The following SATB1 variants were observed in gnomAD, a reference collection of about 807,000 sequenced individuals.
SATB1 encodes the protein DNA-binding protein SATB1.
Under a neutral mutation model 86.9 loss-of-function variants are expected in SATB1, and 11 were observed. That is an observed-to-expected ratio of 0.13 (90% CI 0.08 to 0.21). SATB1 has a LOEUF of 0.21. SATB1 is among the 10% of genes least tolerant of loss of function. The pLI, the probability that SATB1 is intolerant of heterozygous loss-of-function variation, is 1.00. For synonymous variants in SATB1, 357 were observed against 357.2 expected (o/e 1.00, Z 0.01); for missense variants, 551 against 937.6 (o/e 0.59, Z 5.39).
intron 9 of SATB1, among the ~76,000 whole-genome samples, chr3:18,371,138 T>A (rs970993370): frequency 2.0e-5 from 3 of 152,090 alleles, no homozygotes; most frequent in Non-Finnish European, 4.4e-5. Context: ...ACCCAATTCC[T>A]GAAGCATCTT....
At chr3:18,382,732 A>C (rs1279545100) in intron 8 of SATB1, among the ~76,000 whole-genome samples, 1 of 152,214 alleles carries the variant, frequency 6.6e-6, no homozygotes, top group Non-Finnish European at 1.5e-5. Context: ...AAGTTATTTC[A>C]TTAGGACAAT....
chr3:18,410,961 G>A (rs1246237826), intron 5 of SATB1: 1 of 394,784 alleles, frequency 2.5e-6, no homozygotes, highest in Non-Finnish European at 4.5e-6. Context: ...GAGCAGTACT[G>A]AAGCTAAGCT....
rs1694167144 is a variant in SATB1 at position 18,348,373 on chromosome 3, T to C, written c.*797A>G. The C allele has an allele frequency of 6.6e-6, 1 of 152,610 alleles. No individual in the cohort carries two copies. The highest frequency in any genetic ancestry group is 2.4e-5 in the African/African-American group (1 of 41,472). 9.5% of individuals were successfully genotyped at this position (152,610 alleles called of 1,614,324 possible). On this transcript the variant is annotated 3_prime_UTR_variant, in exon 11 of 11. Transcript: ENST00000338745. The stretch of plus-strand genomic sequence containing the variant: ...TATTTAAAACTTTTAAGACACTTTG[T>C]TTTACTGCCCATCAAAATACATTTA...
exon 1 of SATB1, chr3:18,445,563 C>G: frequency 1.0e-6 from 1 of 980,392 alleles, no homozygotes; most frequent in Non-Finnish European, 1.2e-6. Flanking sequence ...TTGTCGCCTG[C>G]GGCTTCCTCT....
At chr3:18,357,249 GA>G (rs1575083305) in intron 9 of SATB1, among the ~76,000 whole-genome samples, 1 of 151,664 alleles carries the variant, frequency 6.6e-6, no homozygotes, top group East Asian at 1.9e-4. Flanking sequence ...ATCTAAATAG[GA>G]AAGTATTTGA....
At chr3:18,391,397 C>CT (rs1175236024) in intron 7 of SATB1, among the ~76,000 whole-genome samples, 2 of 150,768 alleles carry the variant, frequency 1.3e-5, no homozygotes, top group Non-Finnish European at 1.5e-5. Context: ...TTTTATTATA[C>CT]TTTAAGTTTT....
At chr3:18,408,495 G>C (rs1400079782) in intron 5 of SATB1, among the ~76,000 whole-genome samples, 1 of 151,928 alleles carries the variant, frequency 6.6e-6, no homozygotes, top group African/African-American at 2.4e-5. Context: ...AGATTTAAAA[G>C]TCCCAACAGC....
chr3:18,445,202 C>CCG, intron 1 of SATB1: 1 of 981,390 alleles, frequency 1.0e-6, no homozygotes, highest in Non-Finnish European at 1.2e-6. Flanking sequence ...TCCCCAGCGC[C>CCG]CGCCCGGCTT....
intron 3 of SATB1, among the ~76,000 whole-genome samples, chr3:18,416,524 AC>A (rs1378601907): frequency 6.6e-6 from 1 of 152,050 alleles, no homozygotes; most frequent in Non-Finnish European, 1.5e-5. Flanking sequence ...AGCCCATAAA[AC>A]CATCAGAAAC....
chr3:18,440,488 C>T (rs1004995547), upstream of SATB1, among the ~76,000 whole-genome samples: 1 of 152,048 alleles, frequency 6.6e-6, no homozygotes, highest in African/African-American at 2.4e-5. Context: ...AATATAAATA[C>T]GTGCACTAAA....
At chr3:18,357,288 T>C (rs923837622) in intron 9 of SATB1, among the ~76,000 whole-genome samples, 1 of 151,772 alleles carries the variant, frequency 6.6e-6, no homozygotes, top group Non-Finnish European at 1.5e-5. Context: ...AAAGCATGAA[T>C]TACATTTCAG....
chr3:18,406,557 A>G (rs978321310), intron 5 of SATB1, among the ~76,000 whole-genome samples: 1 of 152,054 alleles, frequency 6.6e-6, no homozygotes, highest in Admixed American at 6.6e-5. Context: ...GAAATGCTGC[A>G]TATGTTTTTA....
intron 2 of SATB1, 81 bp downstream of exon 2, chr3:18,420,676 G>T: frequency 9.1e-7 from 1 of 1,100,092 alleles, no homozygotes; most frequent in Non-Finnish European, 1.4e-6. Context: ...AACATGTTCT[G>T]CCACTCCACC....
intron 2 of SATB1, among the ~76,000 whole-genome samples, chr3:18,436,490 G>C (rs965391734): frequency 8.1e-6 from 1 of 124,158 alleles, no homozygotes; most frequent in Non-Finnish European, 1.6e-5. Flanking sequence ...GGATAGAACA[G>C]AGACCCAGGT....
chr3:18,417,131 C>T (rs1698157774), intron 2 of SATB1, 53 bp from the exon 3 acceptor site: 3 of 1,569,046 alleles, frequency 1.9e-6, no homozygotes, highest in South Asian at 1.1e-5. Context: ...TTCAGAAATA[C>T]AGCTTGGGGG....
chr3:18,445,272 A>G, intron 1 of SATB1: 3 of 982,482 alleles, frequency 3.1e-6, no homozygotes, highest in Non-Finnish European at 3.6e-6. Flanking sequence ...CTGAAGCCCG[A>G]GCCGAGCCGA....
At chr3:18,427,136 A>T (rs1298910943), upstream of SATB1, among the ~76,000 whole-genome samples, 1 of 152,246 alleles carries the variant, frequency 6.6e-6, no homozygotes, top group Non-Finnish European at 1.5e-5. Context: ...CCCAAATGAT[A>T]GTAAATTTTT....
At position 18,346,011 on chromosome 3, in the gene SATB1, A is replaced by T. The variant is rs1694036790; in HGVS notation, c.*3159T>A. On this transcript the variant is annotated 3_prime_UTR_variant, in exon 11 of 11. Transcript: ENST00000338745. Reference sequence around the variant, plus strand: ...GATATAGATATCGCTACTTTGAAAAAAATCACTTATTTTAAACTCAGAATT... The same window carrying T: ...GATATAGATATCGCTACTTTGAAAATAATCACTTATTTTAAACTCAGAATT... 6.6e-6 allele frequency: 1 copy of T among 152,148 alleles called. No individual in the cohort carries two copies. The highest frequency in any genetic ancestry group is 2.4e-5 in the African/African-American group (1 of 41,448). The allele number at this position is 152,148 out of a possible 1,614,324, so 9.4% of individuals were successfully genotyped here.
chr3:18,415,084 T>G (rs1356248901), intron 5 of SATB1, 27 bp downstream of exon 5: 1 of 1,611,166 alleles, frequency 6.2e-7, no homozygotes, highest in Non-Finnish European at 8.5e-7. Context: ...TGATGTCTTA[T>G]TATTTATTAC....
Sources: allele counts gnomAD v4.1 joint callset (sites outside exome capture counted in the v4.1 genomes callset), GRCh38; gene constraint gnomAD v4.1.1; transcripts MANE v1.5; gene names NCBI Gene and HGNC (gene_info 2026-07-23, HGNC 2026-07-21).